Variants in SERPINA6 observed in about 807,000 individuals in gnomAD.
SERPINA6 encodes corticosteroid-binding globulin.
Under a neutral mutation model 26.4 loss-of-function variants are expected in SERPINA6, and 19 were observed. The ratio of observed to expected loss-of-function variants is 0.72; its 90% CI spans 0.50 to 1.06. The LOEUF (loss-of-function observed/expected upper bound fraction) is 1.06, where lower values mean the gene tolerates loss of function less well. Among genes scored for constraint, SERPINA6 ranks in the 50% least tolerant of loss-of-function variants. SERPINA6 has a pLI of 0.00. For missense variants in SERPINA6, 473 were observed against 504.0 expected, an observed-to-expected ratio of 0.94 and a Z score of 0.59; for synonymous variants, 196 against 199.4, an observed-to-expected ratio of 0.98 and a Z score of 0.14.
chr14:94,312,945 G>T (rs1895552971), intron 2 of SERPINA6, among the ~76,000 whole-genome samples: 1 of 152,188 alleles, frequency 6.6e-6, no homozygotes, highest in Admixed American at 6.5e-5. Flanking sequence ...GGCTTAGTTT[G>T]CTTATTTTGG....
chr14:94,314,324 A>G lies in SERPINA6; in HGVS notation c.325T>C (p.Phe109Leu), dbSNP rs748264131. The change falls in exon 2 of 5, where the codon TTC becomes CTC. Residue 109 changes from phenylalanine to leucine, a missense_variant. Physicochemically the swap from Phe to Leu is conservative, Grantham distance 22. Transcript: ENST00000341584. Reference sequence around the variant, plus strand: ...GCAAAGAGTTGGTGCAGGTGCTGGAAACCCTGGTGGATCTCAGTCTCAGAC... The same window carrying G: ...GCAAAGAGTTGGTGCAGGTGCTGGAGACCCTGGTGGATCTCAGTCTCAGAC... ...ERSETEIHQG[F>L]QHLHQLFAKS... The G allele has an allele frequency of 6.2e-7, 1 of 1,614,198 alleles. No individual in the cohort carries two copies. Among genetic ancestry groups the G allele is most frequent in the South Asian group, 1.1e-5 (1 of 91,082 alleles).
intron 2 of SERPINA6, among the ~76,000 whole-genome samples, chr14:94,311,925 G>A (rs978871395): frequency 2.0e-5 from 3 of 152,004 alleles, no homozygotes; most frequent in Admixed American, 1.3e-4. Context: ...TCCAGCCTGG[G>A]CAACTGAGCA....
At chr14:94,308,179 T>G (rs1266913168) in intron 3 of SERPINA6, among the ~76,000 whole-genome samples, 2 of 152,234 alleles carry the variant, frequency 1.3e-5, no homozygotes, top group Admixed American at 1.3e-4. Context: ...CAACCTGCTC[T>G]GCAGCCCTTC....
intron 1 of SERPINA6, among the ~76,000 whole-genome samples, chr14:94,317,727 C>T (rs146669600): frequency 1.4e-3 from 215 of 152,220 alleles, no homozygotes; most frequent in African/African-American, 4.7e-3. Context: ...ATCAAGACTA[C>T]GTATTTATAA....
intron 1 of SERPINA6, among the ~76,000 whole-genome samples, chr14:94,316,656 G>C (rs918023080): frequency 6.6e-6 from 1 of 152,208 alleles, no homozygotes; most frequent in Non-Finnish European, 1.5e-5. Context: ...CTACATAAAA[G>C]AGGCCTGTGG....
At position 94,319,862 on chromosome 14, in the gene SERPINA6, C is replaced by G. The variant is rs1895659987; in HGVS notation, c.-20+3405G>C. On this transcript the variant is annotated intron_variant, in intron 1 of 4. Transcript: ENST00000341584. ...TTCAGTCTGGGATGATGAAAAAGTT[C>G]CGGACATGGAAGGTGGTGATGGTGG... 3.9e-5 allele frequency among the ~76,000 whole-genome samples: 6 copies of G among 151,998 alleles called. No homozygotes were observed. In the South Asian group the frequency reaches 1.2e-3, roughly 32 times the overall value.
At chr14:94,312,796 G>A (rs1895550563) in intron 2 of SERPINA6, among the ~76,000 whole-genome samples, 1 of 152,134 alleles carries the variant, frequency 6.6e-6, no homozygotes, top group African/African-American at 2.4e-5. Context: ...GGATGGGAGG[G>A]GAGGTGGGCA....
In SERPINA6 at chr14:94,314,660, G is replaced by A; in HGVS notation, c.-12C>T. On this transcript the variant is annotated 5_prime_UTR_variant, in exon 2 of 5. Transcript: ENST00000341584. ...AGGAGGAGTGGCATTGTCCAGTATAGCCAGGCCCTGCCAAATCAGAAAAGC... is the reference window on the plus strand; with the variant it reads ...AGGAGGAGTGGCATTGTCCAGTATAACCAGGCCCTGCCAAATCAGAAAAGC... The A allele has an allele frequency of 1.9e-6, 3 of 1,610,992 alleles. No homozygotes were observed.
At chr14:94,322,168 G>C (rs1472956237) in intron 1 of SERPINA6, among the ~76,000 whole-genome samples, 2 of 152,156 alleles carry the variant, frequency 1.3e-5, no homozygotes, top group African/African-American at 4.8e-5. Flanking sequence ...ATGCCATTCT[G>C]CCTATCTCTA....
In SERPINA6 at chr14:94,304,443, A is replaced by C. The variant is rs754112917; in HGVS notation, c.1193T>G (p.Leu398Arg). ...FDHFTWSSLF[L>R]ARVMNPV ...TTACACTGGGTTCATAACCCTCGCC[A>C]GGAAAAGGCTGCTCCAGGTGAAGTG... is the stretch of plus-strand genomic sequence containing the variant. The change falls in exon 5 of 5, where the codon CTG becomes CGG. Residue 398 changes from leucine (L) to arginine (R), a missense_variant. Transcript: ENST00000341584. 1 of 1,614,184 alleles carries C rather than the reference A, an allele frequency of 6.2e-7. No individual in the cohort carries two copies. Among genetic ancestry groups the C allele is most frequent in the East Asian group, 2.2e-5 (1 of 44,882 alleles).
intron 3 of SERPINA6, among the ~76,000 whole-genome samples, chr14:94,308,066 T>A (rs559183665): frequency 6.6e-6 from 1 of 152,272 alleles, no homozygotes; most frequent in East Asian, 1.9e-4. Context: ...TGGCCCTGCA[T>A]TGTTGGCACT....
intron 1 of SERPINA6, among the ~76,000 whole-genome samples, chr14:94,315,123 TG>T (rs1566728734): frequency 6.6e-6 from 1 of 152,158 alleles, no homozygotes; most frequent in Admixed American, 6.5e-5. Context: ...CTGCAAGAAA[TG>T]AGAGGCATTT....
intron 2 of SERPINA6, among the ~76,000 whole-genome samples, chr14:94,310,981 C>T (rs1455913799): frequency 6.6e-6 from 1 of 152,214 alleles, no homozygotes; most frequent in Non-Finnish European, 1.5e-5. Flanking sequence ...TCCAGGTAGC[C>T]CTTTCTCCAT....
At chr14:94,317,741 C>A (rs1169711305) in intron 1 of SERPINA6, among the ~76,000 whole-genome samples, 1 of 152,066 alleles carries the variant, frequency 6.6e-6, no homozygotes, top group Non-Finnish European at 1.5e-5. Flanking sequence ...TTTATAAAAC[C>A]TTTTATACTC....
At chr14:94,315,864 TG>T (rs1895606708) in intron 1 of SERPINA6, among the ~76,000 whole-genome samples, 1 of 152,224 alleles carries the variant, frequency 6.6e-6, no homozygotes, top group African/African-American at 2.4e-5. Context: ...AATGCTTTTT[TG>T]TATTGAAACA....
At chr14:94,312,427 A>G (rs1039856681) in intron 2 of SERPINA6, among the ~76,000 whole-genome samples, 6 of 151,808 alleles carry the variant, frequency 4.0e-5, no homozygotes, top group African/African-American at 1.5e-4. Flanking sequence ...CCTCTGTGCA[A>G]CCACTGCTGA....
chr14:94,317,949 C>G (rs187210256), intron 1 of SERPINA6, among the ~76,000 whole-genome samples: 12 of 152,286 alleles, frequency 7.9e-5, no homozygotes, highest in Admixed American at 6.5e-4. Context: ...GTTCAAAACC[C>G]TAAAAATTCT....
intron 1 of SERPINA6, among the ~76,000 whole-genome samples, chr14:94,318,955 C>T (rs1895647908): frequency 6.6e-6 from 1 of 152,062 alleles, no homozygotes; most frequent in South Asian, 2.1e-4. Flanking sequence ...TCCTAAAACC[C>T]AAGAACAACA....
In SERPINA6 at chr14:94,320,995, G is replaced by A. The variant is rs118111723; in HGVS notation, c.-20+2272C>T. ...AAACCCAGAAAAGATCCTGGGTTTC[G>A]TGGCAGATCAAGCTGGATTGGGGCC... On this transcript the variant is annotated intron_variant, in intron 1 of 4. Transcript: ENST00000341584. 7.8e-4 allele frequency among the ~76,000 whole-genome samples: 119 copies of A among 152,220 alleles called. 2 individuals are homozygous for A. Among genetic ancestry groups the A allele is most frequent in the South Asian group, 1.5e-3 (7 of 4,822 alleles).
Sources: gnomAD v4.1 joint callset for allele counts (sites outside exome capture counted in the v4.1 genomes callset) on GRCh38, gnomAD v4.1.1 for gene constraint, MANE v1.5 for transcripts, NCBI Gene and HGNC (gene_info 2026-07-23, HGNC 2026-07-21) for gene names.